ELAPOR2: variants seen among roughly 807,000 people sequenced by gnomAD.
ELAPOR2 encodes the protein endosome-lysosome associated apoptosis and autophagy regulator family member 2, also known as endosome/lysosome-associated apoptosis and autophagy regulator family member 2.
ELAPOR2 carries 89 observed loss-of-function variants against 120.7 expected under a neutral mutation model. That is an observed-to-expected ratio of 0.74 (90% CI 0.62 to 0.88). ELAPOR2 has a LOEUF of 0.88. ELAPOR2 is among the 40% of genes least tolerant of loss of function. The probability of loss-of-function intolerance (pLI) is 0.00; values close to 1 mark genes in which losing one functional copy is unlikely to be tolerated. For synonymous variants in ELAPOR2, 444 were observed against 444.9 expected (o/e 1.00, Z 0.03); for missense variants, 1,134 against 1,251.6 (o/e 0.91, Z 1.42).
rs189118748 is a variant in ELAPOR2, at chr7:86,992,717, A to G, written c.190-27693T>C. Among the ~76,000 whole-genome samples, 92 of 152,336 alleles carry G rather than the reference A, an allele frequency of 6.0e-4. 1 individual carries two copies. The East Asian group carries it at 0.017, about 28-fold the overall frequency. On this transcript the variant is annotated intron_variant, in intron 1 of 21. Coordinates refer to ENST00000450689, the MANE Select transcript of ELAPOR2 (RefSeq NM_001142749.3). ...GTCTTTCCCAGTAGAGTCTGATCACATTAAATGAAAAGGTGAATTTATTTC... is the reference window on the plus strand; with the variant it reads ...GTCTTTCCCAGTAGAGTCTGATCACGTTAAATGAAAAGGTGAATTTATTTC...
chr7:86,955,955 A>C (rs1312749560), intron 2 of ELAPOR2, among the ~76,000 whole-genome samples: 1 of 149,882 alleles, frequency 6.7e-6, no homozygotes, highest in Admixed American at 6.6e-5. Flanking sequence ...ACTCTGCAAA[A>C]AACAAAAAAA....
chr7:87,041,661 C>T (rs1794791643), intron 1 of ELAPOR2, among the ~76,000 whole-genome samples: 3 of 151,826 alleles, frequency 2.0e-5, no homozygotes, highest in African/African-American at 7.3e-5. Context: ...AAAATCATGC[C>T]AAAATGTAAA....
chr7:86,988,171 G>A (rs750825404), intron 1 of ELAPOR2, among the ~76,000 whole-genome samples: 7 of 152,218 alleles, frequency 4.6e-5, no homozygotes, highest in East Asian at 1.9e-4. Context: ...CACAGGGTAG[G>A]GAATATCACA....
intron 8 of ELAPOR2, among the ~76,000 whole-genome samples, chr7:86,929,160 C>T (rs989922578): frequency 8.6e-5 from 13 of 151,900 alleles, no homozygotes; most frequent in African/African-American, 2.2e-4. Flanking sequence ...TTTAAAAACA[C>T]ACAGAGGTAT....
chr7:86,909,191 T>C (rs917344626), intron 16 of ELAPOR2, among the ~76,000 whole-genome samples: 3 of 152,064 alleles, frequency 2.0e-5, no homozygotes, highest in Admixed American at 6.6e-5. Flanking sequence ...GTCTATACTA[T>C]AAGCAATGTT....
intron 13 of ELAPOR2, 145 bp from the exon 14 acceptor site, chr7:86,913,349 C>T: frequency 2.7e-6 from 2 of 746,778 alleles, no homozygotes; most frequent in South Asian, 2.1e-5. Flanking sequence ...AATATCACTG[C>T]TATTTGGTTC....
chr7:86,887,089 A>C (rs1799727678), intron 21 of ELAPOR2, among the ~76,000 whole-genome samples: 1 of 152,158 alleles, frequency 6.6e-6, no homozygotes, highest in African/African-American at 2.4e-5. Flanking sequence ...GCCACTTGGA[A>C]AATTAAAGAC....
At chr7:86,889,718 A>G (rs954229400) in intron 21 of ELAPOR2, among the ~76,000 whole-genome samples, 15 of 152,022 alleles carry the variant, frequency 9.9e-5, no homozygotes, top group African/African-American at 2.4e-5. Context: ...AAAAAGTAAG[A>G]CCATGAAAAG....
intron 1 of ELAPOR2, among the ~76,000 whole-genome samples, chr7:87,040,110 G>A (rs796363079): frequency 7.2e-5 from 11 of 152,234 alleles, no homozygotes; most frequent in East Asian, 3.8e-4. Flanking sequence ...CACCTGGCTC[G>A]GAGGGTCCTA....
chr7:86,897,193 C>T (rs1562904100), intron 19 of ELAPOR2, among the ~76,000 whole-genome samples: 1 of 151,948 alleles, frequency 6.6e-6, no homozygotes, highest in Non-Finnish European at 1.5e-5. Flanking sequence ...ATATTATCCC[C>T]ATCTTAATTA....
intron 1 of ELAPOR2, among the ~76,000 whole-genome samples, chr7:86,966,685 T>C (rs952580621): frequency 2.0e-5 from 3 of 152,160 alleles, no homozygotes; most frequent in Non-Finnish European, 4.4e-5. Context: ...CTTAGCAACT[T>C]AAAACAACAG....
intron 1 of ELAPOR2, among the ~76,000 whole-genome samples, chr7:87,058,862 G>A (rs1795344739): frequency 6.6e-6 from 1 of 152,116 alleles, no homozygotes; most frequent in African/African-American, 2.4e-5. Context: ...GGGCAGGGGA[G>A]TAGGACGAAG....
intron 1 of ELAPOR2, among the ~76,000 whole-genome samples, chr7:87,055,713 G>A (rs1290624384): frequency 1.3e-5 from 2 of 151,880 alleles, no homozygotes; most frequent in African/African-American, 4.8e-5. Context: ...CTTCTTTCAT[G>A]GCTTCAAATC....
intron 21 of ELAPOR2, chr7:86,891,394 A>T: frequency 5.3e-6 from 1 of 188,246 alleles, no homozygotes. Context: ...ACAATAGTCC[A>T]TTTGTTTTCA....
intron 21 of ELAPOR2, among the ~76,000 whole-genome samples, chr7:86,884,424 G>A (rs368851757): frequency 6.6e-6 from 1 of 152,134 alleles, no homozygotes; most frequent in Non-Finnish European, 1.5e-5. Flanking sequence ...GAACTGCACA[G>A]GCCTACTTAT....
intron 1 of ELAPOR2, among the ~76,000 whole-genome samples, chr7:87,058,927 T>C (rs889495471): frequency 1.3e-5 from 2 of 151,946 alleles, no homozygotes; most frequent in African/African-American, 4.8e-5. Flanking sequence ...GGAAATCCTC[T>C]GGTGTCTGTG....
chr7:86,973,679 A>C (rs1444700185), intron 1 of ELAPOR2, among the ~76,000 whole-genome samples: 1 of 152,198 alleles, frequency 6.6e-6, no homozygotes, highest in African/African-American at 2.4e-5. Flanking sequence ...AACCTCACAA[A>C]GGACCTGGAA....
chr7:86,984,707 G>C (rs1055981355), intron 1 of ELAPOR2, among the ~76,000 whole-genome samples: 2 of 152,188 alleles, frequency 1.3e-5, no homozygotes, highest in African/African-American at 2.4e-5. Flanking sequence ...GAAATTTATA[G>C]CACTAAATGC....
chr7:87,024,057 T>A (rs1468805663), intron 1 of ELAPOR2, among the ~76,000 whole-genome samples: 1 of 152,102 alleles, frequency 6.6e-6, no homozygotes, highest in Non-Finnish European at 1.5e-5. Flanking sequence ...TACCCTTTAT[T>A]TCCTTCTCCT....
Sources: allele counts gnomAD v4.1 joint callset (sites outside exome capture counted in the v4.1 genomes callset), GRCh38; gene constraint gnomAD v4.1.1; transcripts MANE v1.5; gene names NCBI Gene and HGNC (gene_info 2026-07-23, HGNC 2026-07-21).